Variants in NBR1 observed in about 807,000 individuals in gnomAD.
The protein encoded by NBR1 is NBR1 autophagy cargo receptor.
In NBR1, 59 loss-of-function variants were observed where a neutral mutation model predicts 115.5. The observed-to-expected ratio is 0.51, with a 90% CI of 0.41 to 0.63. The LOEUF (loss-of-function observed/expected upper bound fraction) is 0.63, where lower values mean the gene tolerates loss of function less well. Among genes scored for constraint, NBR1 ranks in the 30% least tolerant of loss-of-function variants. NBR1 has a pLI of 0.00. For missense variants in NBR1, 1,043 were observed against 1,150.5 expected, an observed-to-expected ratio of 0.91 and a Z score of 1.35; for synonymous variants, 373 against 414.7, an observed-to-expected ratio of 0.90 and a Z score of 1.22.
intron 4 of NBR1, among the ~76,000 whole-genome samples, chr17:43,180,029 T>C (rs1404154376): frequency 6.6e-6 from 1 of 152,184 alleles, no homozygotes; most frequent in African/African-American, 2.4e-5. Flanking sequence ...AAAGGGAGTT[T>C]GTCAGCAAAA....
intron 20 of NBR1, among the ~76,000 whole-genome samples, chr17:43,205,403 CA>C (rs1259891422): frequency 2.0e-5 from 3 of 152,168 alleles, no homozygotes; most frequent in Admixed American, 2.0e-4. Flanking sequence ...TGAAACACTT[CA>C]GCCTGGTGTG....
intron 6 of NBR1, among the ~76,000 whole-genome samples, chr17:43,187,255 A>C (rs2056829754): frequency 6.6e-6 from 1 of 151,926 alleles, no homozygotes; most frequent in African/African-American, 2.4e-5. Context: ...ATCTCGGCTT[A>C]TTGCAAGCTC....
At chr17:43,200,868 T>TG (rs1358328657) in intron 17 of NBR1, among the ~76,000 whole-genome samples, 1 of 57,108 alleles carries the variant, frequency 1.8e-5, no homozygotes. Context: ...GCTGGTTGTG[T>TG]TTTTTTTTTT....
At chr17:43,189,220 C>A in intron 7 of NBR1, 101 bp downstream of exon 7, 1 of 837,384 alleles carries the variant, frequency 1.2e-6, no homozygotes, top group Non-Finnish European at 2.1e-6. Flanking sequence ...CCTCTAGTAC[C>A]GGTGAAGAGT....
chr17:43,186,114 G>A (rs1172844895), intron 5 of NBR1, 136 bp from the exon 6 acceptor site: 3 of 651,196 alleles, frequency 4.6e-6, no homozygotes, highest in Non-Finnish European at 7.5e-6. Context: ...TTTGTTGTTG[G>A]ATTTAATAAA....
At chr17:43,197,226 A>C in intron 16 of NBR1, 120 bp downstream of exon 16, 1 of 1,044,296 alleles carries the variant, frequency 9.6e-7, no homozygotes, top group Non-Finnish European at 1.4e-6. Context: ...CTTAGTTAGA[A>C]GTTCTGATCT....
At position 43,197,031 on chromosome 17, in the gene NBR1, G is replaced by A. The variant is rs1242005952; in HGVS notation, c.1951G>A (p.Glu651Lys). 1 of 1,614,006 alleles carries A rather than the reference G, an allele frequency of 6.2e-7. No homozygotes were observed. The highest frequency in any genetic ancestry group is 1.3e-5 in the African/African-American group (1 of 75,060). The change falls in exon 16 of 21, where the codon GAG becomes AAG. Residue 651 changes from glutamate to lysine, a missense_variant. Physicochemically the swap from Glu to Lys is moderately conservative, Grantham distance 56. Transcript: ENST00000590996. ...EDLSGTQFVC[E>K]TVIRSLTLDA... is the part of the protein sequence containing the mutation. The stretch of plus-strand genomic sequence containing the variant: ...CCTGAGTGGGACCCAGTTTGTGTGT[G>A]AGACAGTAATCCGATCCCTTACCTT...
At chr17:43,203,573 A>AT (rs2057249749) in intron 19 of NBR1, 108 bp from the exon 20 acceptor site, 1 of 653,530 alleles carries the variant, frequency 1.5e-6, no homozygotes, top group East Asian at 2.8e-5. Flanking sequence ...TTTCCATCTA[A>AT]TTTTTTCTCT....
chr17:43,185,504 G>A (rs926723396), intron 5 of NBR1, among the ~76,000 whole-genome samples: 14 of 152,014 alleles, frequency 9.2e-5, no homozygotes, highest in Non-Finnish European at 7.4e-5. Flanking sequence ...TCCAAGACCA[G>A]TCTGGGCAAC....
At chr17:43,194,921 C>T in intron 13 of NBR1, 43 bp from the exon 14 acceptor site, 1 of 1,505,198 alleles carries the variant, frequency 6.6e-7, no homozygotes, top group Non-Finnish European at 9.2e-7. Flanking sequence ...AGACATGGCT[C>T]CAGCATGCAC....
At chr17:43,204,082 C>T (rs371343263) in intron 20 of NBR1, among the ~76,000 whole-genome samples, 22 of 152,052 alleles carry the variant, frequency 1.4e-4, no homozygotes, top group African/African-American at 4.8e-4. Flanking sequence ...GGACTACAGG[C>T]GCCTGCCACT....
At chr17:43,195,113 G>A in intron 14 of NBR1, 74 bp downstream of exon 14, 1 of 1,172,554 alleles carries the variant, frequency 8.5e-7, no homozygotes. Flanking sequence ...GACACTGGTA[G>A]TGTTTTATTC....
intron 10 of NBR1, 80 bp from the exon 11 acceptor site, chr17:43,193,014 C>T: frequency 7.2e-7 from 1 of 1,396,672 alleles, no homozygotes; most frequent in Non-Finnish European, 9.9e-7. Context: ...GAGTCACAGT[C>T]AGACTCTCAA....
chr17:43,182,953 G>A (rs1360252699), intron 5 of NBR1, among the ~76,000 whole-genome samples: 4 of 151,414 alleles, frequency 2.6e-5, no homozygotes, highest in East Asian at 1.9e-4. Context: ...TAGTAGAGAC[G>A]GCGTTTCACC....
intron 20 of NBR1, among the ~76,000 whole-genome samples, chr17:43,206,267 T>C (rs146530982): frequency 6.6e-6 from 1 of 152,076 alleles, no homozygotes; most frequent in African/African-American, 2.4e-5. Flanking sequence ...GGCTAATTAA[T>C]AGGAGGAGCA....
chr17:43,173,082 TC>T (rs939588944), intron 1 of NBR1, among the ~76,000 whole-genome samples: 56 of 152,274 alleles, frequency 3.7e-4, no homozygotes, highest in African/African-American at 1.3e-3. Context: ...CACCTCGGCC[TC>T]CCAAAGTGCT....
At chr17:43,206,630 G>A (rs1187062187) in intron 20 of NBR1, among the ~76,000 whole-genome samples, 1 of 151,882 alleles carries the variant, frequency 6.6e-6, no homozygotes, top group Non-Finnish European at 1.5e-5. Flanking sequence ...ACTCCAGCCT[G>A]GGTGACAGAG....
At chr17:43,207,040 G>A (rs1438019214) in intron 20 of NBR1, among the ~76,000 whole-genome samples, 1 of 152,216 alleles carries the variant, frequency 6.6e-6, no homozygotes, top group African/African-American at 2.4e-5. Context: ...ACTCCAGCCT[G>A]GGCAACAAAG....
intron 1 of NBR1, among the ~76,000 whole-genome samples, chr17:43,173,901 A>G (rs1324870282): frequency 7.1e-6 from 1 of 140,916 alleles, no homozygotes; most frequent in Non-Finnish European, 1.5e-5. Context: ...AACCTAAGCT[A>G]TTTTTTCATA....
Sources: allele counts gnomAD v4.1 joint callset (sites outside exome capture counted in the v4.1 genomes callset), GRCh38; gene constraint gnomAD v4.1.1; transcripts MANE v1.5; gene names NCBI Gene and HGNC (gene_info 2026-07-23, HGNC 2026-07-21).